Variants in DAB1 observed in about 807,000 individuals in gnomAD.
DAB1 encodes the protein disabled homolog 1.
In DAB1, 15 loss-of-function variants were observed where a neutral mutation model predicts 64.6. The observed-to-expected ratio is 0.23, with a 90% confidence interval of 0.16 to 0.36. DAB1 has a LOEUF of 0.36. Ranked by LOEUF, DAB1 falls within the 10% of genes least tolerant of loss-of-function variation. The pLI is 1.00. For synonymous variants in DAB1, 235 were observed against 251.9 expected (o/e 0.93, Z 0.64); for missense variants, 596 against 706.7 (o/e 0.84, Z 1.78).
intron 4 of DAB1, among the ~76,000 whole-genome samples, chr1:58,151,591 A>G: frequency 6.6e-6 from 1 of 152,326 alleles, no homozygotes; most frequent in South Asian, 2.1e-4. Flanking sequence ...AGAAAATGAA[A>G]TTGCATAGAA....
At chr1:58,338,046 G>A (rs1557734834) in intron 4 of DAB1, among the ~76,000 whole-genome samples, 1 of 151,698 alleles carries the variant, frequency 6.6e-6, no homozygotes, top group Non-Finnish European at 1.5e-5. Context: ...ACTAACATTT[G>A]AAGACAACTC....
intron 6 of DAB1, among the ~76,000 whole-genome samples, chr1:57,810,452 T>C (rs961153163): frequency 6.6e-6 from 1 of 152,128 alleles, no homozygotes; most frequent in Non-Finnish European, 1.5e-5. Flanking sequence ...TGTGTGTATT[T>C]GTGTGGGAGT....
chr1:57,491,402 T>C (rs1249994973), intron 7 of DAB1, among the ~76,000 whole-genome samples: 2 of 152,082 alleles, frequency 1.3e-5, no homozygotes, highest in Admixed American at 6.5e-5. Context: ...CACTCTAGCC[T>C]GGGTGACAGA....
intron 4 of DAB1, among the ~76,000 whole-genome samples, chr1:57,111,635 T>C (rs931261547): frequency 6.6e-6 from 1 of 152,110 alleles, no homozygotes; most frequent in Non-Finnish European, 1.5e-5. Flanking sequence ...AATTTTGCTA[T>C]CCCTCCCAGT....
upstream of DAB1, among the ~76,000 whole-genome samples, chr1:57,888,457 G>C (rs567384025): frequency 6.6e-6 from 1 of 152,142 alleles, no homozygotes; most frequent in Admixed American, 6.5e-5. Flanking sequence ...TGGTCTCTTT[G>C]TTCCCAATTT....
chr1:58,057,665 T>C (rs1376777764), intron 5 of DAB1, among the ~76,000 whole-genome samples: 1 of 152,206 alleles, frequency 6.6e-6, no homozygotes, highest in African/African-American at 2.4e-5. Flanking sequence ...CTTCAGAGCA[T>C]AGCTTTGCCG....
intron 2 of DAB1, among the ~76,000 whole-genome samples, chr1:57,198,486 C>A (rs1057216668): frequency 6.6e-6 from 1 of 152,166 alleles, no homozygotes; most frequent in Non-Finnish European, 1.5e-5. Context: ...TCTTTCACCA[C>A]TCTCACTATA....
intron 7 of DAB1, among the ~76,000 whole-genome samples, chr1:57,485,484 GAATA>G (rs928645677): frequency 1.3e-5 from 2 of 152,168 alleles, no homozygotes; most frequent in African/African-American, 4.8e-5. Context: ...AGGGAATACA[GAATA>G]AATGATTCAT....
intron 2 of DAB1, among the ~76,000 whole-genome samples, chr1:58,523,210 C>T (rs1243495927): frequency 6.6e-6 from 1 of 152,056 alleles, no homozygotes; most frequent in African/African-American, 2.4e-5. Flanking sequence ...ATATTGAAAC[C>T]CTTCACTCCC....
At chr1:58,102,362 C>G (rs1026537406) in intron 5 of DAB1, among the ~76,000 whole-genome samples, 8 of 152,062 alleles carry the variant, frequency 5.3e-5, no homozygotes, top group Admixed American at 1.3e-4. Flanking sequence ...CAAGCTGTAC[C>G]CCGGAGAGCA....
At chr1:57,446,660 T>G (rs1271222487) in intron 7 of DAB1, among the ~76,000 whole-genome samples, 1 of 152,138 alleles carries the variant, frequency 6.6e-6, no homozygotes, top group Non-Finnish European at 1.5e-5. Context: ...GAAGTTTGTT[T>G]AGTCACATTC....
At chr1:58,135,621 G>T (rs1269814403) in intron 5 of DAB1, among the ~76,000 whole-genome samples, 1 of 151,990 alleles carries the variant, frequency 6.6e-6, no homozygotes, top group Non-Finnish European at 1.5e-5. Flanking sequence ...TGAGGTTTGG[G>T]GTACAGTTAA....
chr1:58,367,400 G>T (rs1435882628), intron 3 of DAB1, among the ~76,000 whole-genome samples: 1 of 152,156 alleles, frequency 6.6e-6, no homozygotes, highest in Admixed American at 6.5e-5. Flanking sequence ...TCTGTCCTCA[G>T]CCAACCCTGT....
chr1:58,259,435 C>A (rs1557717169), intron 4 of DAB1, among the ~76,000 whole-genome samples: 2 of 152,204 alleles, frequency 1.3e-5, no homozygotes, highest in African/African-American at 4.8e-5. Context: ...GGAAGATTCC[C>A]ATGATGCCTG....
At chr1:57,242,466 A>T (rs775371724) in intron 2 of DAB1, among the ~76,000 whole-genome samples, 12 of 152,168 alleles carry the variant, frequency 7.9e-5, no homozygotes, top group Non-Finnish European at 1.5e-4. Context: ...CAAGGAGGTG[A>T]TCATAACACG....
chr1:57,599,199 A>G (rs944396622), intron 7 of DAB1, among the ~76,000 whole-genome samples: 5 of 145,752 alleles, frequency 3.4e-5, no homozygotes, highest in African/African-American at 1.0e-4. Flanking sequence ...TTTTTTTTCT[A>G]GGAATGAAGC....
At chr1:58,402,816 T>C (rs889639667) in intron 3 of DAB1, among the ~76,000 whole-genome samples, 1 of 152,164 alleles carries the variant, frequency 6.6e-6, no homozygotes. Flanking sequence ...TATATTCTAG[T>C]AAAGGAGGTA....
At chr1:57,117,228 A>G (rs1279105153) in intron 4 of DAB1, among the ~76,000 whole-genome samples, 3 of 152,232 alleles carry the variant, frequency 2.0e-5, no homozygotes, top group Non-Finnish European at 2.9e-5. Flanking sequence ...GCGCTTTTCA[A>G]TTGGCAAGGA....
chr1:57,052,625 C>A (rs1366786902), intron 9 of DAB1, among the ~76,000 whole-genome samples: 1 of 152,124 alleles, frequency 6.6e-6, no homozygotes, highest in Non-Finnish European at 1.5e-5. Context: ...CACTGGGGTA[C>A]CTGACATGGT....
Sources: allele counts gnomAD v4.1 joint callset (sites outside exome capture counted in the v4.1 genomes callset), GRCh38; gene constraint gnomAD v4.1.1; transcripts MANE v1.5; gene names NCBI Gene and HGNC (gene_info 2026-07-23, HGNC 2026-07-21).